Variants in TMPRSS4 observed in about 807,000 individuals in gnomAD.
TMPRSS4 encodes transmembrane serine protease 4, also known as transmembrane protease serine 4.
In TMPRSS4, 45 loss-of-function variants were observed where a neutral mutation model predicts 56.4. The observed-to-expected ratio is 0.80, with a 90% CI of 0.63 to 1.02. TMPRSS4 has a LOEUF of 1.02. TMPRSS4 is among the 50% of genes least tolerant of loss of function. The probability of loss-of-function intolerance (pLI) is 0.00; values close to 1 mark genes in which losing one functional copy is unlikely to be tolerated. For synonymous variants in TMPRSS4, 205 were observed against 211.0 expected (o/e 0.97, Z 0.25); for missense variants, 546 against 556.7 (o/e 0.98, Z 0.19).
chr11:118,118,182 A>T lies in TMPRSS4; in HGVS notation c.*269A>T. The T allele has an allele frequency of 4.3e-6, 6 of 1,385,314 alleles. No individual in the cohort carries two copies. The highest frequency in any genetic ancestry group is 5.6e-6 in the Non-Finnish European group (6 of 1,072,112). 85.8% of individuals were successfully genotyped at this position (1,385,314 alleles called of 1,614,324 possible). ...GACACAGCCCACTGAACAAGGTCTCAGGGGTATTGCTAAGCCAAGAAGGAA... is the reference window on the plus strand; with the variant it reads ...GACACAGCCCACTGAACAAGGTCTCTGGGGTATTGCTAAGCCAAGAAGGAA... On this transcript the variant is annotated 3_prime_UTR_variant, in exon 13 of 13. Transcript: ENST00000437212.
chr11:118,118,420 G>A lies in TMPRSS4; in HGVS notation c.*507G>A. ...CTGTTGTCATTGTTATTACAGCTAT[G>A]GCCACTATTATTAAAGAGCTGTGTA... is the stretch of plus-strand genomic sequence containing the variant. On this transcript the variant is annotated 3_prime_UTR_variant, in exon 13 of 13. Transcript: ENST00000437212. The A allele has an allele frequency of 4.0e-6, 4 of 990,400 alleles. No homozygotes were observed. Among genetic ancestry groups the A allele is most frequent in the Non-Finnish European group, 4.8e-6 (4 of 833,492 alleles). The allele number at this position is 990,400 out of a possible 1,614,324, so 61.4% of individuals were successfully genotyped here. A position where few individuals can be genotyped will look rare whatever the true frequency, so the allele number is the denominator to read the frequency against.
chr11:118,099,481 A>AAAAAGAAAGAAAG (rs1555085857), intron 3 of TMPRSS4, among the ~76,000 whole-genome samples: 1 of 141,812 alleles, frequency 7.1e-6, no homozygotes, highest in African/African-American at 2.7e-5. Flanking sequence ...GAAAGAAAGA[A>AAAAAGAAAGAAAG]AAAGAAAGAA....
Position 118,104,919 on chromosome 11 carries a change from C to T in TMPRSS4, c.440+99C>T. 8 of 1,301,880 alleles carry T rather than the reference C, an allele frequency of 6.1e-6. No homozygotes were observed. In the South Asian group the frequency reaches 1.3e-4, roughly 20 times the overall value. The allele number at this position is 1,301,880 out of a possible 1,614,324, so 80.6% of individuals were successfully genotyped here. ...TTCTCTCTTTCCTAAAAATTACGGG[C>T]ATTGGAGCCAGGCAGAATGGCTTTT... On this transcript the variant is annotated intron_variant, in intron 5 of 12. Coordinates refer to ENST00000437212, the MANE Select transcript of TMPRSS4 (RefSeq NM_019894.4).
At position 118,111,882 on chromosome 11, in the gene TMPRSS4, C is replaced by A. The variant is rs776433961; in HGVS notation, c.725C>A (p.Thr242Lys). 1 of 1,608,414 alleles carries A rather than the reference C, an allele frequency of 6.2e-7. No individual in the cohort carries two copies. The highest frequency in any genetic ancestry group is 8.5e-7 in the Non-Finnish European group (1 of 1,177,694). Residue 242 changes from threonine (T) to lysine (K), a missense_variant, in exon 8 of 13, where the codon ACG (threonine) becomes AAG (lysine). Coordinates refer to ENST00000437212, the MANE Select transcript of TMPRSS4 (RefSeq NM_019894.4). ...GSILDPHWVL[T>K]AAHCFRKHTD... ...ATCCTGGACCCCCACTGGGTCCTCACGGCAGCCCACTGCTTCAGGTAAGAC... is the reference window on the plus strand; with the variant it reads ...ATCCTGGACCCCCACTGGGTCCTCAAGGCAGCCCACTGCTTCAGGTAAGAC...
At chr11:118,114,273 G>C (rs1267749976) in intron 9 of TMPRSS4, among the ~76,000 whole-genome samples, 1 of 152,150 alleles carries the variant, frequency 6.6e-6, no homozygotes, top group African/African-American at 2.4e-5. Flanking sequence ...GTTTTAATCA[G>C]GTATGGCAAG....
At chr11:118,109,129 G>A (rs1156560798) in intron 7 of TMPRSS4, among the ~76,000 whole-genome samples, 1 of 152,112 alleles carries the variant, frequency 6.6e-6, no homozygotes, top group East Asian at 1.9e-4. Context: ...TCTGTGCATG[G>A]CTCCATGACC....
downstream of TMPRSS4, among the ~76,000 whole-genome samples, chr11:118,123,976 A>G (rs960582228): frequency 6.6e-6 from 1 of 152,192 alleles, no homozygotes; most frequent in African/African-American, 2.4e-5. Flanking sequence ...GATAATAAGG[A>G]ATTGTTAATT....
At chr11:118,123,809 C>T (rs1358731119), downstream of TMPRSS4, among the ~76,000 whole-genome samples, 1 of 152,066 alleles carries the variant, frequency 6.6e-6, no homozygotes, top group Non-Finnish European at 1.5e-5. Flanking sequence ...CAGGGGTGAG[C>T]CACCGTGCCC....
In TMPRSS4 at chr11:118,119,098, A is replaced by G. The variant is rs1328755334; in HGVS notation, c.*1185A>G. On this transcript the variant is annotated 3_prime_UTR_variant, in exon 13 of 13. Transcript: ENST00000437212. Reference sequence around the variant, plus strand: ...TCATACTGTACTAGGTTCTTAGGAAACAACAGAATTCCTCAAATGCCAAAA... The same window carrying G: ...TCATACTGTACTAGGTTCTTAGGAAGCAACAGAATTCCTCAAATGCCAAAA... 1 of 985,472 alleles carries G rather than the reference A, an allele frequency of 1.0e-6. No individual in the cohort carries two copies. Among genetic ancestry groups the G allele is most frequent in the Admixed American group, 6.1e-5 (1 of 16,284 alleles). 61.0% of individuals were successfully genotyped at this position (985,472 alleles called of 1,614,324 possible).
At position 118,119,484 on chromosome 11, in the gene TMPRSS4, C is replaced by A; in HGVS notation, c.*1571C>A. 2 of 467,574 alleles carry A rather than the reference C, an allele frequency of 4.3e-6. No individual in the cohort carries two copies. The highest frequency in any genetic ancestry group is 5.6e-6 in the Non-Finnish European group (2 of 356,900). The allele number at this position is 467,574 out of a possible 1,614,324, so 29.0% of individuals were successfully genotyped here. ...CACCTTAAGTGGGCAGCATAAAAAA[C>A]AGCTAATTTAGAACCCCAAAGGCTT... On this transcript the variant is annotated 3_prime_UTR_variant, in exon 13 of 13. Transcript: ENST00000437212.
chr11:118,114,753 T>C (rs1947450144), intron 9 of TMPRSS4, 76 bp from the exon 10 acceptor site: 1 of 1,400,986 alleles, frequency 7.1e-7, no homozygotes, highest in Admixed American at 2.0e-5. Context: ...CCCATAATCA[T>C]AAAGCATCAT....
At chr11:118,077,350 C>G in intron 1 of TMPRSS4, 45 bp downstream of exon 1, 1 of 1,571,994 alleles carries the variant, frequency 6.4e-7, no homozygotes, top group African/African-American at 1.4e-5. Flanking sequence ...AAGGGTGGGT[C>G]TCCCCATGTA....
At chr11:118,122,221 A>T (rs1947811401), downstream of TMPRSS4, among the ~76,000 whole-genome samples, 1 of 152,236 alleles carries the variant, frequency 6.6e-6, no homozygotes, top group Admixed American at 6.5e-5. Context: ...TCACCAAATA[A>T]TATACAGAGA....
rs567963800 is a variant in TMPRSS4, at chr11:118,110,564, C to T, written c.584-1177C>T. Among the ~76,000 whole-genome samples, 228 of 152,142 alleles carry T rather than the reference C, an allele frequency of 1.5e-3. 1 individual carries two copies. Among genetic ancestry groups the T allele is most frequent in the African/African-American group, 5.0e-3 (209 of 41,526 alleles). ...ATTTTTGTATTTTTAGTAGAGACGG[C>T]GTTTCACCATGTTGGCCAGGCTAGT... On this transcript the variant is annotated intron_variant, in intron 7 of 12. Transcript: ENST00000437212.
rs759558162 is a variant in TMPRSS4, at chr11:118,103,162, G to A, written c.219G>A (p.Arg73=). 6.2e-7 allele frequency: 1 copy of A among 1,614,250 alleles called. No homozygotes were observed. The highest frequency in any genetic ancestry group is 1.1e-5 in the South Asian group (1 of 91,084). ...LCGQPLHFIP[R]KQLCDGELDC... The stretch of plus-strand genomic sequence containing the variant: ...GGCAGCCTCTCCACTTCATCCCGAG[G>A]AAGCAGCTGTGTGACGGAGAGCTGG... The change falls in exon 4 of 13, where the codon AGG becomes AGA. Residue 73 remains arginine, a synonymous_variant. Coordinates refer to ENST00000437212, the MANE Select transcript of TMPRSS4 (RefSeq NM_019894.4).
chr11:118,089,276 C>T (rs1254117605), intron 1 of TMPRSS4, among the ~76,000 whole-genome samples: 1 of 152,166 alleles, frequency 6.6e-6, no homozygotes, highest in African/African-American at 2.4e-5. Context: ...CAAAGAGCTT[C>T]AAGAAAAGCC....
chr11:118,106,908 T>A (rs972312407), intron 5 of TMPRSS4: 4 of 152,168 alleles, frequency 2.6e-5, no homozygotes, highest in African/African-American at 4.8e-5. Context: ...TCATGAGGAC[T>A]CTTAAAATGC....
At chr11:118,108,941 T>C (rs750658771) in intron 7 of TMPRSS4, 45 bp downstream of exon 7, 10 of 1,602,282 alleles carry the variant, frequency 6.2e-6, no homozygotes, top group African/African-American at 5.4e-5. Context: ...GGGCCAGCAA[T>C]GAGCAGGGAG....
intron 7 of TMPRSS4, among the ~76,000 whole-genome samples, chr11:118,109,135 T>C (rs77681869): frequency 0.055 from 8,334 of 152,156 alleles, 568 homozygotes; most frequent in African/African-American, 0.15. Flanking sequence ...CATGGCTCCA[T>C]GACCTAAGTG....
Sources: gnomAD v4.1 joint callset for allele counts (sites outside exome capture counted in the v4.1 genomes callset) on GRCh38, gnomAD v4.1.1 for gene constraint, MANE v1.5 for transcripts, NCBI Gene and HGNC (gene_info 2026-07-23, HGNC 2026-07-21) for gene names.